The following GRXCR1 variants were observed in gnomAD, a reference collection of about 807,000 sequenced individuals.
GRXCR1 encodes glutaredoxin and cysteine rich domain containing 1.
In GRXCR1, 27 loss-of-function variants were observed where a neutral mutation model predicts 27.3. The observed-to-expected ratio is 0.99, with a 90% confidence interval of 0.73 to 1.37. The LOEUF (loss-of-function observed/expected upper bound fraction) is 1.37, where lower values mean the gene tolerates loss of function less well. Ranked by LOEUF, GRXCR1 falls within the 40% of genes most tolerant of loss-of-function variation. The pLI is 0.00. For missense variants in GRXCR1, 379 were observed against 354.4 expected (o/e 1.07, Z -0.56); for synonymous variants, 122 against 131.1 (o/e 0.93, Z 0.47).
At chr4:42,952,898 A>G (rs1422555484) in intron 1 of GRXCR1, among the ~76,000 whole-genome samples, 1 of 152,190 alleles carries the variant, frequency 6.6e-6, no homozygotes, top group African/African-American at 2.4e-5. Context: ...GCTCCTATTC[A>G]AGCCATTGAA....
intron 2 of GRXCR1, among the ~76,000 whole-genome samples, chr4:42,973,804 A>G (rs894085240): frequency 6.6e-6 from 1 of 152,180 alleles, no homozygotes; most frequent in African/African-American, 2.4e-5. Flanking sequence ...CAATGAAGAT[A>G]ATAGAATACT....
At chr4:42,960,199 G>A (rs2109773669) in intron 1 of GRXCR1, among the ~76,000 whole-genome samples, 1 of 152,034 alleles carries the variant, frequency 6.6e-6, no homozygotes, top group East Asian at 1.9e-4. Flanking sequence ...ACACATCTGG[G>A]AAAAGTATTT....
chr4:42,909,118 G>A (rs998771446), intron 1 of GRXCR1, among the ~76,000 whole-genome samples: 1 of 152,276 alleles, frequency 6.6e-6, no homozygotes, highest in South Asian at 2.1e-4. Flanking sequence ...GCTTTAGATA[G>A]CATCTTCACT....
At chr4:42,956,171 G>A (rs535265323) in intron 1 of GRXCR1, among the ~76,000 whole-genome samples, 5 of 152,188 alleles carry the variant, frequency 3.3e-5, no homozygotes, top group African/African-American at 4.8e-5. Flanking sequence ...TTGTTGTAAG[G>A]CTTCCAGGCA....
At chr4:42,987,261 AATAT>A (rs1279529979) in intron 2 of GRXCR1, among the ~76,000 whole-genome samples, 27 of 97,262 alleles carry the variant, frequency 2.8e-4, no homozygotes, top group African/African-American at 7.3e-4. Context: ...ATATATATAT[AATAT>A]ATATATATAT....
chr4:42,989,298 T>C (rs1198472756), intron 2 of GRXCR1, among the ~76,000 whole-genome samples: 1 of 152,146 alleles, frequency 6.6e-6, no homozygotes, highest in African/African-American at 2.4e-5. Context: ...TGTCCTCACG[T>C]GGCCTTTTCT....
intron 2 of GRXCR1, among the ~76,000 whole-genome samples, chr4:42,986,828 T>C (rs1352085651): frequency 2.6e-5 from 4 of 152,098 alleles, no homozygotes. Flanking sequence ...AGTCTAGATA[T>C]GTCTCCTTGT....
intron 2 of GRXCR1, among the ~76,000 whole-genome samples, chr4:42,972,121 A>G (rs1451594038): frequency 6.6e-6 from 1 of 152,060 alleles, no homozygotes; most frequent in Non-Finnish European, 1.5e-5. Flanking sequence ...GTCTTTGAGC[A>G]TTTTATTTAG....
intron 1 of GRXCR1, among the ~76,000 whole-genome samples, chr4:42,915,282 C>T (rs1452068800): frequency 2.0e-5 from 3 of 152,056 alleles, no homozygotes; most frequent in Non-Finnish European, 2.9e-5. Flanking sequence ...CGATGCAAGG[C>T]CATGAAAATC....
chr4:42,990,170 G>GTTATT (rs1243636449), intron 2 of GRXCR1, among the ~76,000 whole-genome samples: 1 of 63,450 alleles, frequency 1.6e-5, no homozygotes, highest in African/African-American at 5.5e-5. Flanking sequence ...TGAATTATTA[G>GTTATT]TTCTTTTTTT....
chr4:42,893,256 T>C lies in GRXCR1; in HGVS notation c.-11T>C. On this transcript the variant is annotated 5_prime_UTR_variant, in exon 1 of 4. Transcript: ENST00000399770. The stretch of plus-strand genomic sequence containing the variant: ...GAATGCTGTAAACTGTTCATATGGG[T>C]GGAGGTGACCATGCTTAAAAGGGAG... 6.2e-7 allele frequency: 1 copy of C among 1,613,342 alleles called. No homozygotes were observed. The highest frequency in any genetic ancestry group is 8.5e-7 in the Non-Finnish European group (1 of 1,179,624).
chr4:42,978,182 C>A, intron 2 of GRXCR1, among the ~76,000 whole-genome samples: 1 of 151,992 alleles, frequency 6.6e-6, no homozygotes, highest in East Asian at 1.9e-4. Flanking sequence ...TGCCTTTATG[C>A]CAGTACCATG....
intron 1 of GRXCR1, among the ~76,000 whole-genome samples, chr4:42,943,307 A>C (rs950861601): frequency 1.3e-5 from 2 of 152,116 alleles, no homozygotes; most frequent in African/African-American, 4.8e-5. Flanking sequence ...TTAGAGGGAA[A>C]TATACTGAAA....
rs186752084 is a variant in GRXCR1, at chr4:43,010,357, C to T, written c.628-9997C>T. Among the ~76,000 whole-genome samples, 6 of 150,788 alleles carry T rather than the reference C, an allele frequency of 4.0e-5. No homozygotes were observed. The East Asian group carries it at 9.8e-4, about 25-fold the overall frequency. On this transcript the variant is annotated intron_variant, in intron 2 of 3. Coordinates refer to ENST00000399770, the MANE Select transcript of GRXCR1 (RefSeq NM_001080476.3). The stretch of plus-strand genomic sequence containing the variant: ...GGCAGAGGTTGCAGTGAGCCGAGAT[C>T]GCACCATTGCACTCCAGCCTCGGTA...
intron 1 of GRXCR1, among the ~76,000 whole-genome samples, chr4:42,932,577 CATATATATATATATATATATATATATAT>C (rs3072802): frequency 3.5e-5 from 1 of 28,680 alleles, no homozygotes; most frequent in Non-Finnish European, 6.0e-5. Flanking sequence ...AACTCCCTTC[CATATATATATATATATATATATATATAT>C]ATATATATAT....
chr4:42,956,364 G>C (rs1330028850), intron 1 of GRXCR1, among the ~76,000 whole-genome samples: 1 of 152,026 alleles, frequency 6.6e-6, no homozygotes, highest in Non-Finnish European at 1.5e-5. Flanking sequence ...AAGAGGGACA[G>C]CCATTAGAGG....
intron 1 of GRXCR1, among the ~76,000 whole-genome samples, chr4:42,932,089 T>C (rs1747325154): frequency 6.6e-6 from 1 of 151,978 alleles, no homozygotes; most frequent in Non-Finnish European, 1.5e-5. Context: ...CCATGACATG[T>C]GGGAATTGTG....
intron 1 of GRXCR1, among the ~76,000 whole-genome samples, chr4:42,896,404 T>G (rs1746346841): frequency 6.6e-6 from 1 of 150,826 alleles, no homozygotes; most frequent in Non-Finnish European, 1.5e-5. Context: ...TAATCAAGGT[T>G]GTTAAAGGTA....
At position 42,989,218 on chromosome 4, in the gene GRXCR1, C is replaced by G. The variant is rs527442473; in HGVS notation, c.627+26084C>G. On this transcript the variant is annotated intron_variant, in intron 2 of 3. Coordinates refer to ENST00000399770, the MANE Select transcript of GRXCR1 (RefSeq NM_001080476.3). ...GTTTTGGAGGCTGAAAGTCCAAGAT[C>G]AAAGTTTTGGAAGATTTGGTTTCTC... is the stretch of plus-strand genomic sequence containing the variant. Among the ~76,000 whole-genome samples the G allele has an allele frequency of 7.6e-4, 115 of 152,260 alleles. 1 individual carries two copies. Among genetic ancestry groups the G allele is most frequent in the African/African-American group, 2.7e-3 (111 of 41,560 alleles).
Sources: allele counts gnomAD v4.1 joint callset (sites outside exome capture counted in the v4.1 genomes callset), GRCh38; gene constraint gnomAD v4.1.1; transcripts MANE v1.5; gene names NCBI Gene and HGNC (gene_info 2026-07-23, HGNC 2026-07-21).